Variants in NKAIN2 observed in about 807,000 individuals in gnomAD.
NKAIN2 encodes sodium/potassium-transporting ATPase subunit beta-1-interacting protein 2.
A neutral mutation model predicts 32.6 loss-of-function variants in NKAIN2; 14 were observed. The observed-to-expected ratio is 0.43, with a 90% CI of 0.28 to 0.67. The LOEUF is 0.67. Ranked by LOEUF, NKAIN2 falls within the 30% of genes least tolerant of loss-of-function variation. The pLI, the probability that NKAIN2 is intolerant of heterozygous loss-of-function variation, is 0.17. For missense variants in NKAIN2, 198 were observed against 258.3 expected, an observed-to-expected ratio of 0.77 and a Z score of 1.60; for synonymous variants, 80 against 87.2, an observed-to-expected ratio of 0.92 and a Z score of 0.46.
At chr6:123,992,866 G>A (rs1248032683) in intron 1 of NKAIN2, among the ~76,000 whole-genome samples, 4 of 152,040 alleles carry the variant, frequency 2.6e-5, no homozygotes, top group Admixed American at 6.5e-5. Context: ...ACTAAAATCC[G>A]TTTACTTTTA....
At chr6:124,578,957 G>A (rs1347601479) in intron 3 of NKAIN2, among the ~76,000 whole-genome samples, 1 of 152,178 alleles carries the variant, frequency 6.6e-6, no homozygotes, top group Non-Finnish European at 1.5e-5. Flanking sequence ...TGGTATTCTA[G>A]AGAATTATTC....
chr6:123,851,826 G>A (rs1029870425), intron 1 of NKAIN2, among the ~76,000 whole-genome samples: 4 of 152,012 alleles, frequency 2.6e-5, no homozygotes, highest in African/African-American at 9.7e-5. Flanking sequence ...ATTTATTTTG[G>A]ACATTAATTG....
At chr6:123,938,633 A>G (rs1229760410) in intron 1 of NKAIN2, among the ~76,000 whole-genome samples, 2 of 136,334 alleles carry the variant, frequency 1.5e-5, no homozygotes, top group African/African-American at 5.5e-5. Context: ...TATTTTATAT[A>G]TTATATATAA....
chr6:124,088,396 G>A (rs1408624933), intron 1 of NKAIN2, among the ~76,000 whole-genome samples: 3 of 151,974 alleles, frequency 2.0e-5, no homozygotes, highest in Non-Finnish European at 2.9e-5. Context: ...CCAACAGAGT[G>A]AGACCATGTC....
At chr6:124,229,065 T>C (rs1792281332) in intron 1 of NKAIN2, among the ~76,000 whole-genome samples, 1 of 152,132 alleles carries the variant, frequency 6.6e-6, no homozygotes, top group South Asian at 2.1e-4. Flanking sequence ...AGATACAAAG[T>C]TAGGAAAAGA....
chr6:123,996,306 G>A (rs1779619629), intron 1 of NKAIN2, among the ~76,000 whole-genome samples: 1 of 137,938 alleles, frequency 7.2e-6, no homozygotes, highest in Non-Finnish European at 1.5e-5. Context: ...TTTTAGTAAG[G>A]GTCTCACAAT....
intron 1 of NKAIN2, among the ~76,000 whole-genome samples, chr6:124,230,166 A>G (rs1268035218): frequency 6.6e-6 from 1 of 151,870 alleles, no homozygotes; most frequent in Non-Finnish European, 1.5e-5. Context: ...AGCAAAGGTC[A>G]CTCTTGCTAT....
At chr6:124,052,543 C>A (rs764585680) in intron 1 of NKAIN2, among the ~76,000 whole-genome samples, 2 of 151,950 alleles carry the variant, frequency 1.3e-5, no homozygotes, top group Non-Finnish European at 2.9e-5. Context: ...GTATAAAGGA[C>A]CACCTGATAG....
chr6:124,148,429 C>T (rs1194017783), intron 1 of NKAIN2, among the ~76,000 whole-genome samples: 2 of 152,082 alleles, frequency 1.3e-5, no homozygotes, highest in Admixed American at 6.6e-5. Flanking sequence ...CAACCCCTGG[C>T]AACTACTGAT....
intron 6 of NKAIN2, among the ~76,000 whole-genome samples, chr6:124,821,701 C>A (rs936243641): frequency 1.3e-5 from 2 of 152,162 alleles, no homozygotes; most frequent in Non-Finnish European, 2.9e-5. Flanking sequence ...TCAAGTCTCA[C>A]TGGTCATGAA....
At chr6:124,643,138 T>G (rs995943488) in intron 3 of NKAIN2, among the ~76,000 whole-genome samples, 1 of 152,180 alleles carries the variant, frequency 6.6e-6, no homozygotes, top group African/African-American at 2.4e-5. Context: ...AACTCTTGGC[T>G]TATATTTAAT....
intron 1 of NKAIN2, among the ~76,000 whole-genome samples, chr6:123,922,683 T>G (rs1319437278): frequency 1.3e-5 from 2 of 152,122 alleles, no homozygotes; most frequent in Non-Finnish European, 2.9e-5. Context: ...TCAATGTGCA[T>G]GGATTGTACT....
intron 4 of NKAIN2, among the ~76,000 whole-genome samples, chr6:124,734,061 G>GCACACA (rs61526747): frequency 0.017 from 2,419 of 145,278 alleles, 30 homozygotes; most frequent in Middle Eastern, 0.034. Flanking sequence ...ATGAGGAAAT[G>GCACACA]CACACACACA....
At chr6:124,080,031 G>A (rs1783884213) in intron 1 of NKAIN2, among the ~76,000 whole-genome samples, 1 of 152,006 alleles carries the variant, frequency 6.6e-6, no homozygotes, top group Non-Finnish European at 1.5e-5. Context: ...AGGAAGCTTG[G>A]GCATCAAAAG....
At chr6:124,069,681 T>G (rs568306992) in intron 1 of NKAIN2, among the ~76,000 whole-genome samples, 1 of 152,166 alleles carries the variant, frequency 6.6e-6, no homozygotes, top group East Asian at 1.9e-4. Flanking sequence ...ATGGCTCAAG[T>G]GTAGATGAAT....
At chr6:124,345,559 T>G (rs1383194003) in intron 2 of NKAIN2, among the ~76,000 whole-genome samples, 2 of 151,960 alleles carry the variant, frequency 1.3e-5, no homozygotes, top group Admixed American at 6.6e-5. Flanking sequence ...TGGTTTAGTC[T>G]TGGGAGAGTG....
intron 1 of NKAIN2, among the ~76,000 whole-genome samples, chr6:124,274,841 TA>T (rs929808059): frequency 3.3e-5 from 5 of 151,838 alleles, no homozygotes; most frequent in East Asian, 1.9e-4. Context: ...ATCTAAACAC[TA>T]AAAAAACCCT....
chr6:124,060,558 T>C (rs1347121199), intron 1 of NKAIN2, among the ~76,000 whole-genome samples: 3 of 152,168 alleles, frequency 2.0e-5, no homozygotes, highest in African/African-American at 7.2e-5. Context: ...AACTTCACAG[T>C]TTCCAGAAAC....
intron 4 of NKAIN2, among the ~76,000 whole-genome samples, chr6:124,708,516 A>C (rs1775231906): frequency 1.3e-5 from 2 of 151,946 alleles, no homozygotes; most frequent in Non-Finnish European, 2.9e-5. Context: ...CTTTTATTTC[A>C]CTGAGCAGTG....
Sources: gnomAD v4.1 joint callset for allele counts (sites outside exome capture counted in the v4.1 genomes callset) on GRCh38, gnomAD v4.1.1 for gene constraint, MANE v1.5 for transcripts, NCBI Gene and HGNC (gene_info 2026-07-23, HGNC 2026-07-21) for gene names.